The following ZNF99 variants were observed in gnomAD, a reference collection of about 807,000 sequenced individuals.
The protein encoded by ZNF99 is zinc finger protein 99.
ZNF99 carries 8 observed loss-of-function variants against 12.8 expected under a neutral mutation model. The ratio of observed to expected loss-of-function variants is 0.62; its 90% CI spans 0.37 to 1.13. The LOEUF is 1.13. Among genes scored for constraint, ZNF99 ranks in the 50% most tolerant of loss-of-function variants. ZNF99 has a pLI of 0.02. For synonymous variants in ZNF99, 318 were observed against 319.0 expected, an observed-to-expected ratio of 1.00 and a Z score of 0.03; for missense variants, 1,007 against 1,006.2, an observed-to-expected ratio of 1.00 and a Z score of -0.01.
rs754542265 is a variant in ZNF99, at chr19:22,759,599, C to T, written c.310G>A (p.Ala104Thr). Residue 104 changes from alanine (A) to threonine (T), a missense_variant, in exon 4 of 4, where the codon GCA becomes ACA. Coordinates refer to ENST00000596209, the MANE Select transcript of ZNF99 (RefSeq NM_001080409.3). The stretch of plus-strand genomic sequence containing the variant: ...CGTAAATTCTTATGTCCACATCTTG[C>T]ATATGTTCTCAATATTATTTCTTGG... ...SFQEIILRTY[A>T]RCGHKNLRLR... is the part of the protein sequence containing the mutation. 4 of 1,607,738 alleles carry T rather than the reference C, an allele frequency of 2.5e-6. No homozygotes were observed. In the Admixed American group the frequency reaches 6.8e-5, roughly 27 times the overall value.
intron 1 of ZNF99, among the ~76,000 whole-genome samples, chr19:22,780,881 C>T (rs1973379877): frequency 6.6e-6 from 1 of 150,768 alleles, no homozygotes. Flanking sequence ...CACCAATTAC[C>T]ACCTTTTCTT....
intron 1 of ZNF99, among the ~76,000 whole-genome samples, chr19:22,781,174 A>AATT (rs755672371): frequency 3.1e-4 from 47 of 152,280 alleles, no homozygotes; most frequent in Admixed American, 9.2e-4. Context: ...AACAAAATGC[A>AATT]ATTTACAGTT....
intron 3 of ZNF99, among the ~76,000 whole-genome samples, chr19:22,765,849 TATGTTGAAAAATAAAATG>T (rs578011411): frequency 4.7e-4 from 72 of 152,076 alleles, no homozygotes; most frequent in Non-Finnish European, 8.8e-4. Context: ...ATGAGTCTTT[TATGTTGAAAAATAAAATG>T]ATGCTAGACA....
intron 3 of ZNF99, among the ~76,000 whole-genome samples, chr19:22,765,708 G>C (rs191122207): frequency 1.5e-4 from 23 of 151,704 alleles, no homozygotes; most frequent in Admixed American, 1.4e-3. Context: ...ATGGTGGCCA[G>C]GCACAGTGGC....
intron 3 of ZNF99, among the ~76,000 whole-genome samples, chr19:22,764,001 C>A (rs184054347): frequency 6.7e-6 from 1 of 149,352 alleles, no homozygotes; most frequent in Non-Finnish European, 1.5e-5. Flanking sequence ...TTCTGCCTCC[C>A]GGGTTCAAGC....
intron 3 of ZNF99, among the ~76,000 whole-genome samples, chr19:22,760,305 GTAAATTGCCATCTCCTGATT>G (rs1178247733): frequency 1.3e-5 from 2 of 152,058 alleles, no homozygotes; most frequent in African/African-American, 4.8e-5. Context: ...AACAAAAAAA[GTAAATTGCCATCTCCTGATT>G]TCATTTCTAA....
chr19:22,772,569 C>T (rs746656529), intron 1 of ZNF99, among the ~76,000 whole-genome samples: 74 of 151,516 alleles, frequency 4.9e-4, no homozygotes, highest in Non-Finnish European at 6.6e-4. Context: ...CCCAGCTATT[C>T]GGGAGGCTGA....
chr19:22,783,944 C>G (rs1973419159), intron 1 of ZNF99, 70 bp downstream of exon 1: 1 of 1,606,694 alleles, frequency 6.2e-7, no homozygotes, highest in East Asian at 2.2e-5. Context: ...CTGAGTCCCG[C>G]CACAGCCACT....
chr19:22,758,964 G>C lies in ZNF99; in HGVS notation c.945C>G (p.Cys315Trp). Reference protein sequence around the residue: ...AIHTGEKPYKCEECGKAFNHF... With the variant: ...AIHTGEKPYKWEECGKAFNHF... ...GGTTAAAAGCTTTGCCACATTCTTCGCATTTGTAGGGTTTCTCTCCAGTAT... is the reference window on the plus strand; with the variant it reads ...GGTTAAAAGCTTTGCCACATTCTTCCCATTTGTAGGGTTTCTCTCCAGTAT... The change falls in exon 4 of 4, where the codon TGC (cysteine) becomes TGG (tryptophan). Residue 315 changes from cysteine (C) to tryptophan (W), a missense_variant. By Grantham distance (215) the Cys-to-Trp change is radical. Coordinates refer to ENST00000596209, the MANE Select transcript of ZNF99 (RefSeq NM_001080409.3). 1 of 1,608,050 alleles carries C rather than the reference G, an allele frequency of 6.2e-7. No individual in the cohort carries two copies. Among genetic ancestry groups the C allele is most frequent in the Non-Finnish European group, 8.5e-7 (1 of 1,178,136 alleles).
At chr19:22,771,892 A>G in intron 1 of ZNF99, among the ~76,000 whole-genome samples, 1 of 20,824 alleles carries the variant, frequency 4.8e-5, no homozygotes, top group Non-Finnish European at 1.0e-4. Context: ...TAATTTTTGT[A>G]TTTTTAGTAG....
Position 22,781,403 on chromosome 19 carries a change from CTTTTTTT to C in ZNF99, c.3+2604_3+2610del, listed in dbSNP as rs35970718. ...TTCTTACACCATCTCATTGGGGTCACTTTTTTTTTTTTTTTTTTTTTTTGTCGTTTGG... is the reference window on the plus strand; with the variant it reads ...TTCTTACACCATCTCATTGGGGTCACTTTTTTTTTTTTTTTTGTCGTTTGG... On this transcript the variant is annotated intron_variant, in intron 1 of 3. Transcript: ENST00000596209. Among the ~76,000 whole-genome samples the C allele has an allele frequency of 2.8e-4, 25 of 87,958 alleles. 1 individual carries two copies. In the East Asian group the frequency reaches 2.9e-3, roughly 10 times the overall value. 57.7% of individuals were successfully genotyped at this position (87,958 alleles called of 152,430 possible).
chr19:22,765,892 T>C (rs1973198334), intron 3 of ZNF99, among the ~76,000 whole-genome samples: 2 of 152,066 alleles, frequency 1.3e-5, no homozygotes, highest in Admixed American at 6.5e-5. Context: ...CAAAAAACCG[T>C]ATATGAATAT....
At chr19:22,767,868 G>C (rs1013450041) in intron 3 of ZNF99, among the ~76,000 whole-genome samples, 1 of 152,146 alleles carries the variant, frequency 6.6e-6, no homozygotes, top group African/African-American at 2.4e-5. Flanking sequence ...TCTGTTTCTG[G>C]TGTGTTCTCA....
Position 22,752,190 on chromosome 19 carries a change from T to C in ZNF99, c.*5124A>G, listed in dbSNP as rs957464744. ...AAAATATTTACTCAGGACCCAGATATGTATAGATTTTATTTACATTCCTAT... is the reference window on the plus strand; with the variant it reads ...AAAATATTTACTCAGGACCCAGATACGTATAGATTTTATTTACATTCCTAT... On this transcript the variant is annotated 3_prime_UTR_variant, in exon 4 of 4. Transcript: ENST00000596209. 2 of 151,548 alleles carry C rather than the reference T, an allele frequency of 1.3e-5. No individual in the cohort carries two copies. The highest frequency in any genetic ancestry group is 6.6e-5 in the Admixed American group (1 of 15,190). The allele number at this position is 151,548 out of a possible 1,614,324, so 9.4% of individuals were successfully genotyped here.
In ZNF99 at chr19:22,758,991, A is replaced by C. The variant is rs756258222; in HGVS notation, c.918T>G (p.Ile306Met). 6.2e-7 allele frequency: 1 copy of C among 1,613,888 alleles called. No individual in the cohort carries two copies. The highest frequency in any genetic ancestry group is 1.1e-5 in the South Asian group (1 of 91,072). Reference protein sequence around the residue: ...QSSHLTRHKAIHTGEKPYKCE... With the variant: ...QSSHLTRHKAMHTGEKPYKCE... Reference sequence around the variant, plus strand: ...ATTTGTAGGGTTTCTCTCCAGTATGAATTGCTTTATGTCTAGTAAGGTGTG... The same window carrying C: ...ATTTGTAGGGTTTCTCTCCAGTATGCATTGCTTTATGTCTAGTAAGGTGTG... The change falls in exon 4 of 4, where the codon ATT becomes ATG. Residue 306 changes from isoleucine (I) to methionine (M), a missense_variant. Coordinates refer to ENST00000596209, the MANE Select transcript of ZNF99 (RefSeq NM_001080409.3).
At chr19:22,763,904 C>CTTTTTTTT (rs965211065) in intron 3 of ZNF99, among the ~76,000 whole-genome samples, 1 of 101,684 alleles carries the variant, frequency 9.8e-6, no homozygotes, top group African/African-American at 4.7e-5. Context: ...TTTTTCTTTC[C>CTTTTTTTT]TTTTTTTTTT....
Position 22,756,215 on chromosome 19 carries a change from T to C in ZNF99, c.*1099A>G, listed in dbSNP as rs1396676170. ...ACATTCTTCACATTTTTAGGGCTTC[T>C]CCCCAGTATGAATTATCTTATGTTT... On this transcript the variant is annotated 3_prime_UTR_variant, in exon 4 of 4. Coordinates refer to ENST00000596209, the MANE Select transcript of ZNF99 (RefSeq NM_001080409.3). The C allele has an allele frequency of 7.0e-6, 11 of 1,565,328 alleles. 1 individual carries two copies. Among genetic ancestry groups the C allele is most frequent in the Admixed American group, 1.7e-5 (1 of 57,748 alleles).
At position 22,754,212 on chromosome 19, in the gene ZNF99, C is replaced by G; in HGVS notation, c.*3102G>C. The G allele has an allele frequency of 2.3e-6, 1 of 439,412 alleles. No individual in the cohort carries two copies. The highest frequency in any genetic ancestry group is 1.6e-5 in the South Asian group (1 of 63,054). 27.2% of individuals were successfully genotyped at this position (439,412 alleles called of 1,614,324 possible). On this transcript the variant is annotated 3_prime_UTR_variant, in exon 4 of 4. Coordinates refer to ENST00000596209, the MANE Select transcript of ZNF99 (RefSeq NM_001080409.3). The stretch of plus-strand genomic sequence containing the variant: ...TGAAACCCCGTCTCTACTAAAAATA[C>G]AAAAATTAGCTGGGCGTGGTGGCAG...
rs957814127 is a variant in ZNF99 at position 22,768,400 on chromosome 19, C to A, written c.131G>T (p.Gly44Val). The change falls in exon 3 of 4, where the codon GGT becomes GTT. Residue 44 changes from glycine (G) to valine (V), a missense_variant and splice_region_variant. Physicochemically the swap from Gly to Val is moderately radical, Grantham distance 109. Transcript: ENST00000596209. ...LENYRNLVFLGIAVSKLDLIT... is the reference protein window; with the variant it reads ...LENYRNLVFLVIAVSKLDLIT... ...CAAGTCTAGCTTAGAGACAGCGATA[C>A]CTGTTTTATTAAAAATAAATAACAT... 1.9e-6 allele frequency: 3 copies of A among 1,605,554 alleles called. No homozygotes were observed. Among genetic ancestry groups the A allele is most frequent in the Non-Finnish European group, 1.7e-6 (2 of 1,177,164 alleles).
Sources: allele counts gnomAD v4.1 joint callset (sites outside exome capture counted in the v4.1 genomes callset), GRCh38; gene constraint gnomAD v4.1.1; transcripts MANE v1.5; gene names NCBI Gene and HGNC (gene_info 2026-07-23, HGNC 2026-07-21).